Variants in MYH7B observed in about 807,000 individuals in gnomAD.
The protein encoded by MYH7B is myosin heavy chain 7B.
MYH7B carries 205 observed loss-of-function variants against 234.5 expected under a neutral mutation model. That is an observed-to-expected ratio of 0.87 (90% CI 0.78 to 0.98). The LOEUF (loss-of-function observed/expected upper bound fraction) is 0.98. Among genes scored for constraint, MYH7B ranks in the 50% least tolerant of loss-of-function variants. MYH7B has a pLI of 0.00. For synonymous variants in MYH7B, 1,193 were observed against 1,105.0 expected (o/e 1.08, Z -1.58); for missense variants, 2,652 against 2,633.4 (o/e 1.01, Z -0.15).
At chr20:34,980,851 G>C in intron 8 of MYH7B, 117 bp downstream of exon 8, 1 of 1,507,770 alleles carries the variant, frequency 6.6e-7, no homozygotes, top group South Asian at 1.2e-5. Context: ...TGCTGGACAT[G>C]GTCGCCCAGC....
chr20:35,002,156 C>T (rs780364988), intron 44 of MYH7B, 21 bp from the exon 45 acceptor site: 3 of 1,587,634 alleles, frequency 1.9e-6, no homozygotes, highest in Admixed American at 3.4e-5. Context: ...ACTGCTCACT[C>T]AGCTATCCCT....
At chr20:34,973,754 TTTTTTTGATTTTTTG>T (rs2081815982) in intron 2 of MYH7B, among the ~76,000 whole-genome samples, 2 of 152,128 alleles carry the variant, frequency 1.3e-5, no homozygotes, top group Admixed American at 1.3e-4. Flanking sequence ...GCTCTTCAAG[TTTTTTTGATTTTTTG>T]TTTTTTGAGA....
chr20:34,982,259 A>G (rs1029097695), intron 9 of MYH7B, among the ~76,000 whole-genome samples, 200 bp from the exon 10 acceptor site: 4 of 152,072 alleles, frequency 2.6e-5, no homozygotes, highest in African/African-American at 9.7e-5. Flanking sequence ...GTAGTGGACA[A>G]TGGCATCATC....
At chr20:34,995,315 C>CCCGTT in intron 27 of MYH7B, 21 bp from the exon 28 acceptor site, 2 of 1,607,646 alleles carry the variant, frequency 1.2e-6, no homozygotes, top group Non-Finnish European at 8.5e-7. Context: ...CCAACCTGGC[C>CCCGTT]CCGTTCCGTG....
intron 8 of MYH7B, 94 bp downstream of exon 8, chr20:34,980,828 C>G (rs2147176015): frequency 6.5e-7 from 1 of 1,544,036 alleles, no homozygotes; most frequent in Non-Finnish European, 8.8e-7. Context: ...TGGCACTGCC[C>G]CCCTTTTGAC....
At chr20:34,973,467 G>A (rs2081811412) in intron 2 of MYH7B, among the ~76,000 whole-genome samples, 1 of 152,176 alleles carries the variant, frequency 6.6e-6, no homozygotes, top group Non-Finnish European at 1.5e-5. Context: ...GATACATTTT[G>A]GGCTGGGATC....
At chr20:34,964,343 T>A (rs2081724158) in intron 2 of MYH7B, among the ~76,000 whole-genome samples, 1 of 152,102 alleles carries the variant, frequency 6.6e-6, no homozygotes, top group Admixed American at 6.6e-5. Context: ...GTTGGATGGA[T>A]GAATGCATGA....
intron 44 of MYH7B, 44 bp from the exon 45 acceptor site, chr20:35,002,133 G>GCTGA (rs768436987): frequency 6.2e-6 from 10 of 1,606,968 alleles, no homozygotes; most frequent in Admixed American, 3.3e-5. Context: ...GACTGTGGGG[G>GCTGA]CTGACAGGTA....
intron 11 of MYH7B, 28 bp from the exon 12 acceptor site, chr20:34,984,826 A>C: frequency 6.2e-7 from 1 of 1,604,914 alleles, no homozygotes; most frequent in South Asian, 1.1e-5. Context: ...ACCAGAACTG[A>C]CAGACCCCCT....
chr20:34,992,924 T>C (rs889299606), intron 24 of MYH7B, among the ~76,000 whole-genome samples, 178 bp from the exon 25 acceptor site: 1 of 152,088 alleles, frequency 6.6e-6, no homozygotes, highest in African/African-American at 2.4e-5. Context: ...TGGTGACGCA[T>C]CCCTGGCCCC....
chr20:34,995,297 G>T, intron 27 of MYH7B, 39 bp from the exon 28 acceptor site: 1 of 1,594,074 alleles, frequency 6.3e-7, no homozygotes, highest in Non-Finnish European at 8.6e-7. Flanking sequence ...GGTTTACCTG[G>T]CCCTCCCCCA....
In MYH7B at chr20:34,994,167, G is replaced by A; in HGVS notation, c.2466G>A (p.Gln822=). The A allele has an allele frequency of 6.2e-7, 1 of 1,613,366 alleles. No homozygotes were observed. Among genetic ancestry groups the A allele is most frequent in the Middle Eastern group, 1.6e-4 (1 of 6,062 alleles). ...CTAGGGATGCGCTGTTCACCATCCAGTGGAACATCCGTGCCTTCAATGCCG... is the reference window on the plus strand; with the variant it reads ...CTAGGGATGCGCTGTTCACCATCCAATGGAACATCCGTGCCTTCAATGCCG... Residue 822 remains glutamine (Q), a synonymous_variant, in exon 27 of 45, where the codon CAG becomes CAA. Coordinates refer to ENST00000262873, the Ensembl canonical transcript of MYH7B.
chr20:34,958,430 C>A (rs994384919), intron 2 of MYH7B, among the ~76,000 whole-genome samples: 4 of 152,128 alleles, frequency 2.6e-5, no homozygotes, highest in Non-Finnish European at 4.4e-5. Flanking sequence ...GATGTTTCAT[C>A]CCTGGAGGCT....
At chr20:34,999,889 G>C (rs2082337769) in exon 38 of MYH7B, 2 of 1,613,726 alleles carry the variant, frequency 1.2e-6, no homozygotes, top group South Asian at 1.1e-5. Context: ...AGAAAGACGA[G>C]GAGTGCGCTA....
At chr20:34,979,947 A>T (rs1600421870) in intron 7 of MYH7B, 143 bp downstream of exon 7, 1 of 509,184 alleles carries the variant, frequency 2.0e-6, no homozygotes, top group African/African-American at 3.1e-5. Context: ...GCGGGTCCAT[A>T]GCGGGGGTGG....
At chr20:34,989,385 A>C (rs1335622598) in intron 19 of MYH7B, among the ~76,000 whole-genome samples, 4 of 152,158 alleles carry the variant, frequency 2.6e-5, no homozygotes, top group Non-Finnish European at 5.9e-5. Context: ...AGGAAGCCAA[A>C]ATGTGAACTT....
At chr20:35,000,785 C>T (rs751900627) in exon 40 of MYH7B, 17 of 1,613,388 alleles carry the variant, frequency 1.1e-5, no homozygotes, top group Middle Eastern at 3.3e-4. Context: ...GCCTCCTAAA[C>T]CAGAAGAAGA....
intron 18 of MYH7B, 68 bp from the exon 19 acceptor site, chr20:34,988,024 G>A: frequency 6.3e-7 from 1 of 1,575,894 alleles, no homozygotes; most frequent in African/African-American, 1.3e-5. Context: ...GTGAACTCAT[G>A]CCCCTCCCCG....
intron 3 of MYH7B, among the ~76,000 whole-genome samples, chr20:34,975,725 T>C (rs1210889042): frequency 6.6e-6 from 1 of 151,690 alleles, no homozygotes. Flanking sequence ...GGCACTGTAA[T>C]TTTTTTTTGA....
Sources: gnomAD v4.1 joint callset for allele counts (sites outside exome capture counted in the v4.1 genomes callset) on GRCh38, gnomAD v4.1.1 for gene constraint, MANE v1.5 for transcripts, NCBI Gene and HGNC (gene_info 2026-07-23, HGNC 2026-07-21) for gene names.